Variants in ABCA13 observed in about 807,000 individuals in gnomAD.
The protein encoded by ABCA13 is ATP binding cassette subfamily A member 13, also known as ATP-binding cassette sub-family A member 13.
Under a neutral mutation model 478.7 loss-of-function variants are expected in ABCA13, and 476 were observed. The ratio of observed to expected loss-of-function variants is 0.99; its 90% confidence interval spans 0.92 to 1.07. The LOEUF is 1.07. ABCA13 is among the 50% of genes least tolerant of loss of function. ABCA13 has a pLI of 0.00. For synonymous variants in ABCA13, 2,252 were observed against 2,158.9 expected, an observed-to-expected ratio of 1.04 and a Z score of -1.20; for missense variants, 6,060 against 5,910.6, an observed-to-expected ratio of 1.03 and a Z score of -0.83.
chr7:48,555,027 G>T (rs1466639411), intron 55 of ABCA13, among the ~76,000 whole-genome samples: 1 of 151,242 alleles, frequency 6.6e-6, no homozygotes, highest in Non-Finnish European at 1.5e-5. Context: ...AGTTTTTTGA[G>T]GGTTTTTAAT....
intron 48 of ABCA13, among the ~76,000 whole-genome samples, chr7:48,493,595 T>C (rs1457469753): frequency 6.6e-6 from 1 of 152,164 alleles, no homozygotes; most frequent in African/African-American, 2.4e-5. Flanking sequence ...GTTGTAAAGG[T>C]TAAACTTCTT....
intron 59 of ABCA13, among the ~76,000 whole-genome samples, chr7:48,635,238 A>C (rs1168143002): frequency 7.0e-6 from 1 of 142,780 alleles, no homozygotes; most frequent in Non-Finnish European, 1.5e-5. Flanking sequence ...AAAAAAAAAA[A>C]CCTAAAAACT....
chr7:48,196,161 T>C (rs1797903393), intron 2 of ABCA13, among the ~76,000 whole-genome samples: 1 of 152,192 alleles, frequency 6.6e-6, no homozygotes, highest in Admixed American at 6.5e-5. Context: ...TGCCATCCAC[T>C]GTGGTAGTAG....
chr7:48,181,510 ACT>A (rs1795691649), intron 1 of ABCA13, among the ~76,000 whole-genome samples: 1 of 148,292 alleles, frequency 6.7e-6, no homozygotes, highest in Non-Finnish European at 1.5e-5. Context: ...AATTAAATTT[ACT>A]CTTTTTTACA....
chr7:48,366,305 C>T (rs566978962), intron 31 of ABCA13, among the ~76,000 whole-genome samples: 1 of 151,888 alleles, frequency 6.6e-6, no homozygotes, highest in Non-Finnish European at 1.5e-5. Context: ...TTCCTTACTT[C>T]ATCCGCTTTC....
chr7:48,569,870 C>G (rs951169924), intron 55 of ABCA13, among the ~76,000 whole-genome samples: 1 of 152,066 alleles, frequency 6.6e-6, no homozygotes, highest in Admixed American at 6.5e-5. Context: ...TAGCCAAACA[C>G]TTGTTCTATT....
intron 58 of ABCA13, among the ~76,000 whole-genome samples, chr7:48,599,923 AAGTCAG>A (rs1790708071): frequency 5.9e-5 from 1 of 16,830 alleles, no homozygotes; most frequent in Non-Finnish European, 9.9e-5. Context: ...TATATACAGC[AAGTCAG>A]CAAGTTAGCT....
chr7:48,563,797 TGTGTGTGTGTGTGTGTG>T (rs1563442565), intron 55 of ABCA13, among the ~76,000 whole-genome samples: 67 of 39,144 alleles, frequency 1.7e-3, no homozygotes, highest in African/African-American at 3.4e-3. Flanking sequence ...TTACTGCTTG[TGTGTGTGTGTGTGTGTG>T]TGTGTGTGTG....
At chr7:48,622,944 C>T (rs1479073207) in intron 59 of ABCA13, among the ~76,000 whole-genome samples, 2 of 152,138 alleles carry the variant, frequency 1.3e-5, no homozygotes, top group African/African-American at 4.8e-5. Flanking sequence ...TGCTACTTTG[C>T]TCTATGATGC....
chr7:48,544,577 T>C (rs1018687538), intron 55 of ABCA13, among the ~76,000 whole-genome samples: 4 of 152,034 alleles, frequency 2.6e-5, no homozygotes, highest in Non-Finnish European at 2.9e-5. Context: ...GAACACTTGA[T>C]AGTTCCTGGA....
At position 48,405,874 on chromosome 7, in the gene ABCA13, T is replaced by C. The variant is rs114225156; in HGVS notation, c.12070+1995T>C. Among the ~76,000 whole-genome samples the C allele has an allele frequency of 6.2e-3, 942 of 152,326 alleles. 16 individuals are homozygous for C. Among genetic ancestry groups the C allele is most frequent in the African/African-American group, 0.021 (873 of 41,578 alleles). On this transcript the variant is annotated intron_variant, in intron 39 of 61. Transcript: ENST00000435803. ...AATTTTTTTTGTCTTTGGAGGACTT[T>C]TTTGAAATCATCCCTGCACTGACTG...
chr7:48,536,298 GTAGACAT>G (rs1833576864), intron 55 of ABCA13, among the ~76,000 whole-genome samples: 1 of 152,118 alleles, frequency 6.6e-6, no homozygotes, highest in Admixed American at 6.5e-5. Flanking sequence ...TTCATCTAAT[GTAGACAT>G]TATTTTGTTG....
At chr7:48,231,905 G>C (rs1789147203) in intron 7 of ABCA13, among the ~76,000 whole-genome samples, 1 of 151,996 alleles carries the variant, frequency 6.6e-6, no homozygotes, top group South Asian at 2.1e-4. Context: ...CAGGTGATCT[G>C]CCCTCCTCGG....
intron 48 of ABCA13, among the ~76,000 whole-genome samples, chr7:48,503,234 A>G (rs368348790): frequency 2.0e-5 from 3 of 152,268 alleles, no homozygotes; most frequent in East Asian, 1.9e-4. Context: ...CTACAGTTGC[A>G]TGCCACCATG....
intron 58 of ABCA13, among the ~76,000 whole-genome samples, chr7:48,606,149 G>A (rs1425176431): frequency 6.6e-6 from 1 of 152,040 alleles, no homozygotes; most frequent in Non-Finnish European, 1.5e-5. Context: ...CCTTGCATTG[G>A]GTTAGAACTT....
intron 1 of ABCA13, among the ~76,000 whole-genome samples, chr7:48,176,756 G>A (rs758913986): frequency 6.6e-6 from 1 of 152,026 alleles, no homozygotes; most frequent in Non-Finnish European, 1.5e-5. Context: ...ATCTACCCTG[G>A]GGCTAGGTAG....
Position 48,295,817 on chromosome 7 carries a change from T to G in ABCA13, c.9073T>G (p.Cys3025Gly). Residue 3025 changes from cysteine to glycine, a missense_variant, in exon 21 of 62, where the codon TGC becomes GGC. This residue lies in a region of ABCA13 where 4,423 missense variants were observed against 4,309.1 expected (regional missense o/e 1.03). Transcript: ENST00000435803. ...SSLENATGQD[C>G]TSQPRLETVQ... Reference sequence around the variant, plus strand: ...CTTGGAAAATGCCACTGGCCAGGACTGCACAAGCCAGCCGAGGCTGGAGAC... The same window carrying G: ...CTTGGAAAATGCCACTGGCCAGGACGGCACAAGCCAGCCGAGGCTGGAGAC... 1 of 1,613,726 alleles carries G rather than the reference T, an allele frequency of 6.2e-7. No individual in the cohort carries two copies. The highest frequency in any genetic ancestry group is 8.5e-7 in the Non-Finnish European group (1 of 1,179,730).
Position 48,338,451 on chromosome 7 carries a change from A to G in ABCA13, c.10200A>G (p.Thr3400=), listed in dbSNP as rs1584916252. ...ACAAACTTACTGAAAAACTCCAGAC[A>G]TACGGTAAGTGTGCTGATGGGCATG... ...DVDKLTEKLQ[T]YGGLLDEMFN... Residue 3400 remains threonine, a synonymous_variant, in exon 29 of 62, where the codon ACA becomes ACG. Transcript: ENST00000435803. 24 of 1,587,818 alleles carry G rather than the reference A, an allele frequency of 1.5e-5. No homozygotes were observed. The highest frequency in any genetic ancestry group is 3.3e-4 in the Middle Eastern group (2 of 6,040).
intron 55 of ABCA13, among the ~76,000 whole-genome samples, chr7:48,530,640 A>G (rs1025626916): frequency 2.6e-5 from 4 of 151,976 alleles, no homozygotes; most frequent in African/African-American, 9.7e-5. Context: ...TACCACATCC[A>G]TGCCAACATC....
Sources: gnomAD v4.1 joint callset for allele counts (sites outside exome capture counted in the v4.1 genomes callset) on GRCh38, gnomAD v4.1.1 for gene constraint, gnomAD v4.1.1 regional missense constraint, MANE v1.5 for transcripts, NCBI Gene and HGNC (gene_info 2026-07-23, HGNC 2026-07-21) for gene names.